The following RPH3A variants were observed in gnomAD, a reference collection of about 807,000 sequenced individuals.
RPH3A encodes rabphilin-3A.
RPH3A carries 48 observed loss-of-function variants against 102.2 expected under a neutral mutation model. The ratio of observed to expected loss-of-function variants is 0.47; its 90% confidence interval spans 0.37 to 0.60. The LOEUF (loss-of-function observed/expected upper bound fraction) is 0.60, where lower values mean the gene tolerates loss of function less well. Ranked by LOEUF, RPH3A falls within the 20% of genes least tolerant of loss-of-function variation. The pLI, the probability that RPH3A is intolerant of heterozygous loss-of-function variation, is 0.00. For missense variants in RPH3A, 781 were observed against 910.1 expected (o/e 0.86, Z 1.83); for synonymous variants, 310 against 324.3 (o/e 0.96, Z 0.47).
upstream of RPH3A, chr12:112,791,117 C>G (rs1405404865): frequency 6.6e-6 from 1 of 152,196 alleles, no homozygotes; most frequent in Admixed American, 6.5e-5. Context: ...GCCACCCTGC[C>G]CCTTAGAAAT....
At position 112,836,518 on chromosome 12, in the gene RPH3A, C is replaced by A. The variant is rs1443939805; in HGVS notation, c.83+16C>A. On this transcript the variant is annotated intron_variant, in intron 4 of 21. Coordinates refer to ENST00000389385, the MANE Select transcript of RPH3A (RefSeq NM_001143854.2). The stretch of plus-strand genomic sequence containing the variant: ...ATAAAGAACAGTGAGTATTTTATAA[C>A]ACTTATTTATTTATTTTTTACAAAC... 2 of 1,264,918 alleles carry A rather than the reference C, an allele frequency of 1.6e-6. No individual in the cohort carries two copies. The highest frequency in any genetic ancestry group is 1.4e-5 in the South Asian group (1 of 70,340). 78.4% of individuals were successfully genotyped at this position (1,264,918 alleles called of 1,614,324 possible).
intron 1 of RPH3A, among the ~76,000 whole-genome samples, chr12:112,594,881 T>C (rs151109820): frequency 1.6e-3 from 243 of 152,354 alleles, no homozygotes; most frequent in Middle Eastern, 0.01. Context: ...TTCCAGGCAT[T>C]GTGTTCGATG....
At chr12:112,852,492 A>G (rs1395784807) in intron 5 of RPH3A, among the ~76,000 whole-genome samples, 1 of 152,202 alleles carries the variant, frequency 6.6e-6, no homozygotes, top group Admixed American at 6.5e-5. Context: ...CTAGCCTCAT[A>G]AAAGGCCTAC....
chr12:112,893,100 C>T (rs763910185), intron 19 of RPH3A: 2 of 152,058 alleles, frequency 1.3e-5, no homozygotes, highest in African/African-American at 2.4e-5. Flanking sequence ...CTCTACCACC[C>T]CCTCCCCCAC....
chr12:112,624,389 A>C (rs2135982373), intron 1 of RPH3A, among the ~76,000 whole-genome samples: 1 of 149,616 alleles, frequency 6.7e-6, no homozygotes, highest in Admixed American at 6.6e-5. Flanking sequence ...CACCGATCCC[A>C]CAGAAATACA....
At chr12:112,845,822 GA>G (rs2042219385) in intron 4 of RPH3A, among the ~76,000 whole-genome samples, 1 of 152,100 alleles carries the variant, frequency 6.6e-6, no homozygotes, top group African/African-American at 2.4e-5. Context: ...TATATAACAA[GA>G]AAAAATTTAA....
intron 1 of RPH3A, among the ~76,000 whole-genome samples, chr12:112,729,609 A>G (rs567980858): frequency 6.6e-6 from 1 of 152,348 alleles, no homozygotes; most frequent in South Asian, 2.1e-4. Context: ...GGAATCCACT[A>G]AAGTCCTAAA....
intron 11 of RPH3A, 94 bp from the exon 12 acceptor site, chr12:112,875,585 G>A: frequency 9.2e-7 from 1 of 1,092,110 alleles, no homozygotes; most frequent in East Asian, 2.4e-5. Flanking sequence ...CTTCGGGCCT[G>A]TGTCCACACC....
intron 2 of RPH3A, among the ~76,000 whole-genome samples, chr12:112,798,497 A>G (rs190869712): frequency 8.5e-5 from 13 of 152,326 alleles, no homozygotes; most frequent in Admixed American, 2.0e-4. Flanking sequence ...CATATTATGT[A>G]AGCAGGTTTT....
At chr12:112,751,948 G>A (rs760081954) in intron 1 of RPH3A, among the ~76,000 whole-genome samples, 1 of 152,110 alleles carries the variant, frequency 6.6e-6, no homozygotes, top group Non-Finnish European at 1.5e-5. Context: ...CATATTGTAG[G>A]ACAAAATCAG....
In RPH3A at chr12:112,783,611, A is replaced by T. The variant is rs575137789; in HGVS notation, c.-139-8532A>T. ...GTAGTAGCTAATGTGTTGGGCACCTACTATGTGCCAAGCCCTTTATATATT... is the reference window on the plus strand; with the variant it reads ...GTAGTAGCTAATGTGTTGGGCACCTTCTATGTGCCAAGCCCTTTATATATT... On this transcript the variant is annotated intron_variant, in intron 1 of 21. Transcript: ENST00000543106. Among the ~76,000 whole-genome samples, 3 of 152,316 alleles carry T rather than the reference A, an allele frequency of 2.0e-5. No homozygotes were observed. The South Asian group carries it at 6.2e-4, about 32-fold the overall frequency.
chr12:112,720,144 A>G (rs1049481424), intron 1 of RPH3A, among the ~76,000 whole-genome samples: 1 of 152,220 alleles, frequency 6.6e-6, no homozygotes, highest in Non-Finnish European at 1.5e-5. Flanking sequence ...TCTCCTCCCC[A>G]TGATTGGCAG....
chr12:112,800,433 C>T (rs1357004821), intron 2 of RPH3A, among the ~76,000 whole-genome samples: 12 of 152,184 alleles, frequency 7.9e-5, no homozygotes, highest in Non-Finnish European at 1.5e-5. Context: ...AGATCAGGAC[C>T]TCCAGATCTG....
chr12:112,864,013 A>G (rs558626788), intron 5 of RPH3A, among the ~76,000 whole-genome samples: 2 of 152,314 alleles, frequency 1.3e-5, no homozygotes, highest in South Asian at 4.2e-4. Context: ...CAAACCAGAG[A>G]TTGTTTCACA....
At position 112,640,517 on chromosome 12, in the gene RPH3A, CTCTTT is replaced by C. The variant is rs145854832; in HGVS notation, c.-140+65200_-140+65204del. Reference sequence around the variant, plus strand: ...CCTGTCTTCTCCTCTACACTCTCTTCTCTTTTTTCTTTCTTCTCAGGATAGTTACC... The same window carrying C: ...CCTGTCTTCTCCTCTACACTCTCTTCTTTCTTTCTTCTCAGGATAGTTACC... On this transcript the variant is annotated intron_variant, in intron 1 of 21. Transcript: ENST00000543106. Among the ~76,000 whole-genome samples, 207 of 152,000 alleles carry C rather than the reference CTCTTT, an allele frequency of 1.4e-3. 1 individual carries two copies. In the East Asian group the frequency reaches 0.036, roughly 26 times the overall value.
intron 1 of RPH3A, among the ~76,000 whole-genome samples, chr12:112,755,866 G>A (rs1288994305): frequency 1.3e-5 from 2 of 152,060 alleles, no homozygotes; most frequent in Admixed American, 6.5e-5. Context: ...GCATTACTGG[G>A]GGAATGCCAT....
rs371641511 is a variant in RPH3A, at chr12:112,580,426, T to C, written c.-140+5107T>C. On this transcript the variant is annotated intron_variant, in intron 1 of 21. Coordinates refer to the RPH3A transcript ENST00000543106. Reference sequence around the variant, plus strand: ...TTTTTTTTTTTTTTTTTTTCTGAGATGGAGTCTCGCTCTGTCGCCCAGGCT... The same window carrying C: ...TTTTTTTTTTTTTTTTTTTCTGAGACGGAGTCTCGCTCTGTCGCCCAGGCT... Among the ~76,000 whole-genome samples, 722 of 130,068 alleles carry C rather than the reference T, an allele frequency of 5.6e-3. 12 individuals are homozygous for C. The highest frequency in any genetic ancestry group is 0.019 in the African/African-American group (659 of 34,030). The allele number at this position is 130,068 out of a possible 152,430, so 85.3% of individuals were successfully genotyped here. A position where few individuals can be genotyped will look rare whatever the true frequency, so the allele number is the denominator to read the frequency against.
At chr12:112,660,674 G>T (rs1460815417) in intron 1 of RPH3A, among the ~76,000 whole-genome samples, 1 of 152,130 alleles carries the variant, frequency 6.6e-6, no homozygotes, top group Non-Finnish European at 1.5e-5. Context: ...GACAAAGTGA[G>T]ACCCTGTCTC....
Position 112,646,097 on chromosome 12 carries a change from G to T in RPH3A, c.-140+70778G>T, listed in dbSNP as rs74389555. Among the ~76,000 whole-genome samples, 112 of 152,270 alleles carry T rather than the reference G, an allele frequency of 7.4e-4. 1 individual carries two copies. The highest frequency in any genetic ancestry group is 2.6e-3 in the African/African-American group (109 of 41,548). ...GGTGGGAGAGTTGCAGGTGCCATGT[G>T]CTATGGGCATATAGTAAATGTTCAT... On this transcript the variant is annotated intron_variant, in intron 1 of 21. Coordinates refer to the RPH3A transcript ENST00000543106.
Sources: allele counts gnomAD v4.1 joint callset (sites outside exome capture counted in the v4.1 genomes callset), GRCh38; gene constraint gnomAD v4.1.1; transcripts MANE v1.5; gene names NCBI Gene and HGNC (gene_info 2026-07-23, HGNC 2026-07-21).